The following ESR1 variants were observed in gnomAD, a reference collection of about 807,000 sequenced individuals.
ESR1 encodes estrogen receptor 1.
In ESR1, 12 loss-of-function variants were observed where a neutral mutation model predicts 52.7. The observed-to-expected ratio is 0.23, with a 90% CI of 0.15 to 0.37. The LOEUF (loss-of-function observed/expected upper bound fraction) is 0.37. Ranked by LOEUF, ESR1 falls within the 10% of genes least tolerant of loss-of-function variation. ESR1 has a pLI of 1.00. For synonymous variants in ESR1, 305 were observed against 316.8 expected (o/e 0.96, Z 0.39); for missense variants, 584 against 779.7 (o/e 0.75, Z 2.99).
chr6:151,971,817 C>T (rs1472873945), intron 4 of ESR1, among the ~76,000 whole-genome samples: 2 of 151,740 alleles, frequency 1.3e-5, no homozygotes, highest in East Asian at 1.9e-4. Flanking sequence ...CAGAGCAGAA[C>T]TAAATGAAAT....
chr6:152,112,125 A>C (rs1337748195), intron 6 of ESR1, among the ~76,000 whole-genome samples: 2 of 152,218 alleles, frequency 1.3e-5, no homozygotes, highest in Non-Finnish European at 2.9e-5. Context: ...GTTTTAGCCC[A>C]GCATCACAAG....
chr6:151,929,032 G>T (rs2033199134), intron 3 of ESR1, among the ~76,000 whole-genome samples: 1 of 152,154 alleles, frequency 6.6e-6, no homozygotes, highest in Admixed American at 6.5e-5. Context: ...GTATTAAGTT[G>T]TGGTTTGATG....
intron 4 of ESR1, among the ~76,000 whole-genome samples, chr6:152,006,389 T>C (rs1302784643): frequency 6.6e-6 from 1 of 152,032 alleles, no homozygotes; most frequent in African/African-American, 2.4e-5. Flanking sequence ...CATTTTTTTT[T>C]TGGAGAGAAG....
At chr6:151,973,164 A>G (rs1412965874) in intron 4 of ESR1, among the ~76,000 whole-genome samples, 1 of 152,228 alleles carries the variant, frequency 6.6e-6, no homozygotes, top group Non-Finnish European at 1.5e-5. Context: ...AGTTGACATT[A>G]CATATTAATC....
chr6:151,730,954 A>G (rs1026061693), intron 2 of ESR1, among the ~76,000 whole-genome samples: 1 of 152,224 alleles, frequency 6.6e-6, no homozygotes, highest in African/African-American at 2.4e-5. Context: ...TAAAAAAGAC[A>G]TTCTTCTTGC....
At chr6:152,088,812 A>G (rs2049951476) in intron 6 of ESR1, among the ~76,000 whole-genome samples, 1 of 152,240 alleles carries the variant, frequency 6.6e-6, no homozygotes, top group Non-Finnish European at 1.5e-5. Context: ...GTTATAAACA[A>G]CAGAAAATGG....
intron 1 of ESR1, among the ~76,000 whole-genome samples, chr6:151,659,936 T>G (rs1045601814): frequency 6.6e-6 from 1 of 152,232 alleles, no homozygotes; most frequent in African/African-American, 2.4e-5. Flanking sequence ...TACTGACAGT[T>G]GCTTGTGTGA....
At chr6:151,958,786 T>C (rs1009828445) in intron 4 of ESR1, among the ~76,000 whole-genome samples, 1 of 152,148 alleles carries the variant, frequency 6.6e-6, no homozygotes, top group African/African-American at 2.4e-5. Context: ...TGAACAGACA[T>C]TGAATAGTTG....
Position 152,053,117 on chromosome 6 carries a change from T to A in ESR1, c.1236-7874T>A, listed in dbSNP as rs992856010. Reference sequence around the variant, plus strand: ...CTGCATTCACATTTATTTCTTCTCATATCCTCGAGTTAGAAAAAGGTATTT... The same window carrying A: ...CTGCATTCACATTTATTTCTTCTCAAATCCTCGAGTTAGAAAAAGGTATTT... On this transcript the variant is annotated intron_variant, in intron 5 of 7. Coordinates refer to ENST00000206249, the MANE Select transcript of ESR1 (RefSeq NM_000125.4). The surrounding 1 kb of genome is among the most constrained non-coding windows in gnomAD (Gnocchi z 4.1). Among the ~76,000 whole-genome samples, 10 of 152,204 alleles carry A rather than the reference T, an allele frequency of 6.6e-5. No individual in the cohort carries two copies. Among genetic ancestry groups the A allele is most frequent in the African/African-American group, 2.4e-4 (10 of 41,454 alleles).
chr6:151,742,870 G>T (rs1411943664), intron 2 of ESR1, among the ~76,000 whole-genome samples: 2 of 152,160 alleles, frequency 1.3e-5, no homozygotes. Flanking sequence ...TATATACAAA[G>T]AAATATGTCT....
chr6:151,789,905 T>G (rs1014526665), intron 2 of ESR1, among the ~76,000 whole-genome samples: 2 of 152,106 alleles, frequency 1.3e-5, no homozygotes, highest in Non-Finnish European at 2.9e-5. Flanking sequence ...AAGGTTGAAG[T>G]GGGTGGGTCA....
At chr6:151,715,036 T>C (rs922575346) in intron 2 of ESR1, among the ~76,000 whole-genome samples, 8 of 152,246 alleles carry the variant, frequency 5.3e-5, no homozygotes, top group Admixed American at 3.3e-4. Flanking sequence ...GGCCTGGTGG[T>C]GAGAAAATCT....
chr6:151,993,849 C>T (rs2041246755), intron 4 of ESR1, among the ~76,000 whole-genome samples: 2 of 152,142 alleles, frequency 1.3e-5, no homozygotes, highest in African/African-American at 2.4e-5. Flanking sequence ...TTCCATTGGA[C>T]ACACTGCCAC....
chr6:151,942,981 A>G (rs907890752), intron 3 of ESR1, among the ~76,000 whole-genome samples: 2 of 152,130 alleles, frequency 1.3e-5, no homozygotes, highest in Non-Finnish European at 2.9e-5. Context: ...GGCCTTTTTC[A>G]GGTTAAGGTG....
At chr6:152,093,098 G>A (rs1384692904) in intron 6 of ESR1, among the ~76,000 whole-genome samples, 2 of 151,970 alleles carry the variant, frequency 1.3e-5, no homozygotes, top group South Asian at 2.1e-4. Flanking sequence ...CCAAGATGGC[G>A]AAACCCCATC....
chr6:152,099,215 T>C lies in ESR1; in HGVS notation c.*249T>C. ...CAGCTCTCTTTCCCCCTTGCTATGT[T>C]ACTAAGCGTGAGGATTCCCGTAGCT... On this transcript the variant is annotated 3_prime_UTR_variant, in exon 8 of 8. Coordinates refer to ENST00000206249, the MANE Select transcript of ESR1 (RefSeq NM_000125.4). 1.8e-6 allele frequency: 1 copy of C among 548,024 alleles called. No homozygotes were observed. 33.9% of individuals were successfully genotyped at this position (548,024 alleles called of 1,614,324 possible). A position where few individuals can be genotyped will look rare whatever the true frequency, so the allele number is the denominator to read the frequency against.
intron 5 of ESR1, among the ~76,000 whole-genome samples, chr6:152,030,058 G>C (rs1206462002): frequency 6.6e-6 from 1 of 152,128 alleles, no homozygotes; most frequent in East Asian, 1.9e-4. Flanking sequence ...ATAAGTGAAG[G>C]AGAAATAAAA....
intron 2 of ESR1, among the ~76,000 whole-genome samples, chr6:151,741,762 G>A (rs374956698): frequency 6.6e-6 from 1 of 152,074 alleles, no homozygotes; most frequent in African/African-American, 2.4e-5. Flanking sequence ...GCAAACTAAC[G>A]TATCCATCAT....
intron 5 of ESR1, among the ~76,000 whole-genome samples, chr6:152,015,262 C>T (rs367568023): frequency 6.6e-6 from 1 of 152,146 alleles, no homozygotes; most frequent in African/African-American, 2.4e-5. Flanking sequence ...TCCACCATTA[C>T]GGTTCCTTAT....
Sources: allele counts gnomAD v4.1 joint callset (sites outside exome capture counted in the v4.1 genomes callset), GRCh38; gene constraint gnomAD v4.1.1; non-coding constraint Gnocchi (gnomAD v3.1); transcripts MANE v1.5; gene names NCBI Gene and HGNC (gene_info 2026-07-23, HGNC 2026-07-21).